The following SOX6 variants were observed in gnomAD, a reference collection of about 807,000 sequenced individuals.
The protein encoded by SOX6 is transcription factor SOX-6.
Under a neutral mutation model 97.8 loss-of-function variants are expected in SOX6, and 11 were observed. The ratio of observed to expected loss-of-function variants is 0.11; its 90% CI spans 0.07 to 0.19. The LOEUF is 0.19. SOX6 is among the 10% of genes least tolerant of loss of function. The pLI is 1.00. For missense variants in SOX6, 810 were observed against 1,039.5 expected (o/e 0.78, Z 3.04); for synonymous variants, 360 against 371.4 (o/e 0.97, Z 0.35).
intron 3 of SOX6, among the ~76,000 whole-genome samples, chr11:16,293,871 T>G (rs1457701564): frequency 2.0e-5 from 3 of 152,060 alleles, no homozygotes; most frequent in Non-Finnish European, 4.4e-5. Flanking sequence ...ACATCTCCTC[T>G]GCTTGCACTG....
At chr11:16,132,223 C>T (rs1849757670) in intron 6 of SOX6, among the ~76,000 whole-genome samples, 2 of 130,308 alleles carry the variant, frequency 1.5e-5, no homozygotes, top group Non-Finnish European at 3.2e-5. Flanking sequence ...ACAGCTGCTT[C>T]TCAAAAAAAA....
chr11:16,703,506 A>G (rs760571310), intron 3 of SOX6, among the ~76,000 whole-genome samples: 1 of 152,146 alleles, frequency 6.6e-6, no homozygotes, highest in African/African-American at 2.4e-5. Flanking sequence ...TTAAATTACA[A>G]AGACAGTTTT....
chr11:16,110,916 G>A (rs1849213635), intron 7 of SOX6, among the ~76,000 whole-genome samples: 1 of 152,166 alleles, frequency 6.6e-6, no homozygotes, highest in Non-Finnish European at 1.5e-5. Context: ...CAGATTTGTT[G>A]TACTCAGATT....
chr11:16,626,226 T>C (rs1179712681), intron 3 of SOX6, among the ~76,000 whole-genome samples: 1 of 152,208 alleles, frequency 6.6e-6, no homozygotes, highest in Non-Finnish European at 1.5e-5. Context: ...AGAGTAGTGA[T>C]GGAAACAGGA....
chr11:16,352,729 A>G (rs1370973062), intron 1 of SOX6, among the ~76,000 whole-genome samples: 1 of 152,138 alleles, frequency 6.6e-6, no homozygotes, highest in African/African-American at 2.4e-5. Flanking sequence ...GATATTCTAA[A>G]TACTCATTTA....
At chr11:16,167,248 C>A (rs1054671447) in intron 6 of SOX6, among the ~76,000 whole-genome samples, 1 of 152,152 alleles carries the variant, frequency 6.6e-6, no homozygotes, top group Non-Finnish European at 1.5e-5. Flanking sequence ...TTTCTAGTTG[C>A]TTAGGTCAAA....
intron 4 of SOX6, among the ~76,000 whole-genome samples, chr11:16,561,517 T>C (rs1847814252): frequency 6.6e-6 from 1 of 152,200 alleles, no homozygotes; most frequent in Admixed American, 6.5e-5. Flanking sequence ...ATCTCATACA[T>C]GGTTATATCC....
chr11:16,573,978 T>C (rs1847960608), intron 4 of SOX6, among the ~76,000 whole-genome samples: 1 of 152,126 alleles, frequency 6.6e-6, no homozygotes, highest in Non-Finnish European at 1.5e-5. Context: ...GTGGGAGATG[T>C]TAAAGAAGAC....
chr11:16,591,318 C>CATAGATAGATAGATAGACAGATAG (rs557537916), intron 4 of SOX6, among the ~76,000 whole-genome samples: 1,790 of 123,480 alleles, frequency 0.014, 12 homozygotes, highest in Non-Finnish European at 0.02. Flanking sequence ...TGGTTAGATA[C>CATAGATAGATAGATAGACAGATAG]ATAGATAGAT....
chr11:16,087,393 G>A (rs181430410), intron 9 of SOX6, among the ~76,000 whole-genome samples: 320 of 152,156 alleles, frequency 2.1e-3, no homozygotes, highest in Non-Finnish European at 3.5e-3. Context: ...TGAGATTTCG[G>A]TAACTAGCAT....
At chr11:16,006,517 G>C (rs906894765) in intron 13 of SOX6, among the ~76,000 whole-genome samples, 5 of 152,070 alleles carry the variant, frequency 3.3e-5, no homozygotes, top group Non-Finnish European at 7.4e-5. Context: ...TCCTATGAAG[G>C]TCTATCTGCT....
intron 4 of SOX6, among the ~76,000 whole-genome samples, chr11:16,546,168 A>C (rs574032538): frequency 1.3e-5 from 2 of 152,282 alleles, no homozygotes; most frequent in South Asian, 4.1e-4. Flanking sequence ...TTACCAAAAA[A>C]ACTACAAAAT....
At chr11:16,619,926 A>C (rs984593446) in intron 3 of SOX6, among the ~76,000 whole-genome samples, 1 of 152,168 alleles carries the variant, frequency 6.6e-6, no homozygotes, top group Non-Finnish European at 1.5e-5. Flanking sequence ...TATAATAAAG[A>C]GTAAAACATA....
intron 7 of SOX6, among the ~76,000 whole-genome samples, chr11:16,102,404 C>T (rs919973775): frequency 6.6e-6 from 1 of 151,894 alleles, no homozygotes; most frequent in African/African-American, 2.4e-5. Flanking sequence ...GAAACACATC[C>T]CATGCTCATG....
intron 3 of SOX6, among the ~76,000 whole-genome samples, chr11:16,251,991 TA>T (rs35498021): frequency 6.6e-6 from 1 of 150,570 alleles, no homozygotes; most frequent in African/African-American, 2.4e-5. Context: ...AATTTTCTTT[TA>T]AAAAAAAAGA....
chr11:15,967,163 G>A lies in SOX6; in HGVS notation c.*5646C>T, dbSNP rs937863654. ...ATTGCCCAAATAGTTACCAGCCATG[G>A]GCCAAGTAGGTACCTGCATTATACA... is the stretch of plus-strand genomic sequence containing the variant. On this transcript the variant is annotated 3_prime_UTR_variant, in exon 16 of 16. Transcript: ENST00000683767. The A allele has an allele frequency of 6.6e-6, 1 of 151,870 alleles. No individual in the cohort carries two copies. Among genetic ancestry groups the A allele is most frequent in the Admixed American group, 6.6e-5 (1 of 15,246 alleles). 9.4% of individuals were successfully genotyped at this position (151,870 alleles called of 1,614,324 possible).
At position 16,605,673 on chromosome 11, in the gene SOX6, G is replaced by A. The variant is rs1214560863; in HGVS notation, n.609+6408C>T. Among the ~76,000 whole-genome samples, 1 of 151,766 alleles carries A rather than the reference G, an allele frequency of 6.6e-6. No homozygotes were observed. Among genetic ancestry groups the A allele is most frequent in the East Asian group, 2.0e-4 (1 of 5,118 alleles). The stretch of plus-strand genomic sequence containing the variant: ...AGAGCGGCGGAGATCCTCGACTCCC[G>A]CCCGCCCTCAACCAGTGTCAACCCC... On this transcript the variant is annotated intron_variant and non_coding_transcript_variant, in intron 4 of 5. Transcript: ENST00000524520. The surrounding 1 kb of genome is among the most constrained non-coding windows in gnomAD (Gnocchi z 5.3).
At position 16,467,949 on chromosome 11, in the gene SOX6, C is replaced by T. The variant is rs533619002; in HGVS notation, c.-5+8366G>A. Among the ~76,000 whole-genome samples, 167 of 152,334 alleles carry T rather than the reference C, an allele frequency of 1.1e-3. 1 individual carries two copies. The highest frequency in any genetic ancestry group is 2.1e-3 in the Non-Finnish European group (144 of 68,026). ...TAATGGCTTTATTTCCCCTTCTCTACATGCACTTAGTTCCTTTCAATATTA... is the reference window on the plus strand; with the variant it reads ...TAATGGCTTTATTTCCCCTTCTCTATATGCACTTAGTTCCTTTCAATATTA... On this transcript the variant is annotated intron_variant, in intron 1 of 15. Coordinates refer to the SOX6 transcript ENST00000396356.
intron 4 of SOX6, among the ~76,000 whole-genome samples, chr11:16,519,946 T>G (rs1408625149): frequency 6.6e-6 from 1 of 152,202 alleles, no homozygotes; most frequent in African/African-American, 2.4e-5. Flanking sequence ...CTCTGATGAA[T>G]TAGTGTTGTT....
Sources: gnomAD v4.1 joint callset for allele counts (sites outside exome capture counted in the v4.1 genomes callset) on GRCh38, gnomAD v4.1.1 for gene constraint, Gnocchi (gnomAD v3.1) non-coding constraint, MANE v1.5 for transcripts, NCBI Gene and HGNC (gene_info 2026-07-23, HGNC 2026-07-21) for gene names.